Variants in GPC6 observed in about 807,000 individuals in gnomAD.
GPC6 encodes the protein glypican-6.
GPC6 carries 14 observed loss-of-function variants against 55.2 expected under a neutral mutation model. The ratio of observed to expected loss-of-function variants is 0.25; its 90% CI spans 0.17 to 0.40. GPC6 has a LOEUF of 0.40. Among genes scored for constraint, GPC6 ranks in the 10% least tolerant of loss-of-function variants. The pLI, the probability that GPC6 is intolerant of heterozygous loss-of-function variation, is 1.00. For missense variants in GPC6, 641 were observed against 708.5 expected, an observed-to-expected ratio of 0.90 and a Z score of 1.08; for synonymous variants, 278 against 259.6, an observed-to-expected ratio of 1.07 and a Z score of -0.68.
chr13:93,408,717 A>T (rs1055062246), intron 1 of GPC6, among the ~76,000 whole-genome samples: 1 of 152,114 alleles, frequency 6.6e-6, no homozygotes, highest in Non-Finnish European at 1.5e-5. Flanking sequence ...GGTCTGAAAA[A>T]CTGGCTCTGG....
intron 2 of GPC6, among the ~76,000 whole-genome samples, chr13:93,558,057 G>A (rs1193031425): frequency 6.6e-6 from 1 of 152,130 alleles, no homozygotes; most frequent in Non-Finnish European, 1.5e-5. Flanking sequence ...CACAGGCCTT[G>A]GATCTTCACA....
chr13:93,658,026 C>A (rs2139608257), intron 2 of GPC6, among the ~76,000 whole-genome samples: 1 of 151,972 alleles, frequency 6.6e-6, no homozygotes, highest in South Asian at 2.1e-4. Flanking sequence ...TCAGCCACTG[C>A]AGAAAGCAGT....
chr13:93,286,220 CTT>C (rs1377496736), intron 1 of GPC6, among the ~76,000 whole-genome samples: 2 of 152,126 alleles, frequency 1.3e-5, no homozygotes, highest in Non-Finnish European at 2.9e-5. Flanking sequence ...AGGGAAGCCT[CTT>C]ATAAAACCAT....
chr13:93,743,122 A>G (rs1344462144), intron 2 of GPC6, among the ~76,000 whole-genome samples: 2 of 152,210 alleles, frequency 1.3e-5, no homozygotes, highest in Non-Finnish European at 2.9e-5. Flanking sequence ...CCAAGAGTCT[A>G]TCATGAGCAA....
At chr13:93,402,858 G>GT (rs549997195) in intron 1 of GPC6, among the ~76,000 whole-genome samples, 117 of 152,106 alleles carry the variant, frequency 7.7e-4, no homozygotes, top group African/African-American at 2.5e-3. Flanking sequence ...ATCACTTCCT[G>GT]TTTTTGTGCC....
At chr13:94,239,162 A>G (rs903538698) in intron 4 of GPC6, among the ~76,000 whole-genome samples, 3 of 152,060 alleles carry the variant, frequency 2.0e-5, no homozygotes, top group African/African-American at 2.4e-5. Flanking sequence ...TTCTTCCTCT[A>G]CCTGTTTCCT....
chr13:94,345,359 G>A (rs981763928), intron 6 of GPC6, among the ~76,000 whole-genome samples: 3 of 152,056 alleles, frequency 2.0e-5, no homozygotes, highest in Admixed American at 6.6e-5. Context: ...GATTTTGGGG[G>A]GGAAAAGAAA....
intron 4 of GPC6, among the ~76,000 whole-genome samples, chr13:94,171,998 T>C (rs1888585070): frequency 6.6e-6 from 1 of 152,204 alleles, no homozygotes; most frequent in Non-Finnish European, 1.5e-5. Flanking sequence ...TTTTCAATTT[T>C]TTTTTAGGAG....
chr13:93,310,891 A>G (rs1241389591), intron 1 of GPC6, among the ~76,000 whole-genome samples: 1 of 152,132 alleles, frequency 6.6e-6, no homozygotes, highest in Non-Finnish European at 1.5e-5. Flanking sequence ...CCTTCTAACT[A>G]CTACTATTTT....
chr13:93,696,134 G>T (rs1342534041), intron 2 of GPC6, among the ~76,000 whole-genome samples: 1 of 152,096 alleles, frequency 6.6e-6, no homozygotes, highest in East Asian at 1.9e-4. Flanking sequence ...CGAACATGCT[G>T]TAATGAGATT....
chr13:94,289,146 G>C (rs565310063), intron 5 of GPC6, among the ~76,000 whole-genome samples: 2 of 151,496 alleles, frequency 1.3e-5, no homozygotes, highest in South Asian at 4.2e-4. Context: ...AGAAAAAAAG[G>C]AAATGCACCA....
intron 1 of GPC6, among the ~76,000 whole-genome samples, chr13:93,369,882 C>A (rs1881390143): frequency 6.6e-6 from 1 of 152,034 alleles, no homozygotes; most frequent in African/African-American, 2.4e-5. Flanking sequence ...TATTTCAAAT[C>A]ATCAGTTTTT....
Position 93,419,046 on chromosome 13 carries a change from CATT to C in GPC6, c.161-126214_161-126212del, listed in dbSNP as rs368614457. On this transcript the variant is annotated intron_variant, in intron 1 of 8. Transcript: ENST00000377047. Reference sequence around the variant, plus strand: ...TGCCATAGTATTATTTTATTAATAACATTATCAGATTTCCTAAAATATGTATAG... The same window carrying C: ...TGCCATAGTATTATTTTATTAATAACATCAGATTTCCTAAAATATGTATAG... Among the ~76,000 whole-genome samples the C allele has an allele frequency of 6.7e-3, 1,012 of 150,198 alleles. 14 individuals are homozygous for C. Among genetic ancestry groups the C allele is most frequent in the African/African-American group, 0.024 (971 of 41,070 alleles).
At chr13:94,067,813 G>A (rs546279303) in intron 4 of GPC6, among the ~76,000 whole-genome samples, 126 of 152,282 alleles carry the variant, frequency 8.3e-4, no homozygotes, top group African/African-American at 3.0e-3. Context: ...CAAATGGATA[G>A]GGTGGAAGCA....
At chr13:94,369,888 G>A (rs751716552) in intron 6 of GPC6, among the ~76,000 whole-genome samples, 6 of 152,110 alleles carry the variant, frequency 3.9e-5, no homozygotes, top group Non-Finnish European at 7.4e-5. Flanking sequence ...GAAAGAAGTC[G>A]CTGGCAGGTA....
At position 93,793,309 on chromosome 13, in the gene GPC6, C is replaced by A. The variant is rs143234740; in HGVS notation, c.320-36845C>A. Among the ~76,000 whole-genome samples the A allele has an allele frequency of 1.1e-4, 16 of 152,298 alleles. No homozygotes were observed. The East Asian group carries it at 2.7e-3, about 26-fold the overall frequency. On this transcript the variant is annotated intron_variant, in intron 2 of 8. Coordinates refer to ENST00000377047, the MANE Select transcript of GPC6 (RefSeq NM_005708.5). ...ATAGTCACTGAAATCCGGTTTTCCA[C>A]TCTCTGCTTCAGTTGAGAAATCCTG...
At chr13:93,280,765 C>A (rs1382504131) in intron 1 of GPC6, among the ~76,000 whole-genome samples, 2 of 152,214 alleles carry the variant, frequency 1.3e-5, no homozygotes, top group Non-Finnish European at 2.9e-5. Context: ...GGTAATTTTT[C>A]TGTGGACAGG....
At chr13:93,881,875 A>C (rs1874998920) in intron 3 of GPC6, among the ~76,000 whole-genome samples, 1 of 151,922 alleles carries the variant, frequency 6.6e-6, no homozygotes, top group South Asian at 2.1e-4. Context: ...TTATTCTCTT[A>C]TTTGTTCAAC....
chr13:93,460,209 G>C (rs1878627494), intron 1 of GPC6, among the ~76,000 whole-genome samples: 1 of 152,156 alleles, frequency 6.6e-6, no homozygotes, highest in African/African-American at 2.4e-5. Context: ...TCCTGCCCTT[G>C]AGGCTGTGGC....
Sources: gnomAD v4.1 joint callset for allele counts (sites outside exome capture counted in the v4.1 genomes callset) on GRCh38, gnomAD v4.1.1 for gene constraint, MANE v1.5 for transcripts, NCBI Gene and HGNC (gene_info 2026-07-23, HGNC 2026-07-21) for gene names.